Variants in SLC39A10 observed in about 807,000 individuals in gnomAD.
SLC39A10 encodes zinc transporter ZIP10.
In SLC39A10, 13 loss-of-function variants were observed where a neutral mutation model predicts 65.1. The observed-to-expected ratio is 0.20, with a 90% CI of 0.13 to 0.32. The LOEUF (loss-of-function observed/expected upper bound fraction) is 0.32. Ranked by LOEUF, SLC39A10 falls within the 10% of genes least tolerant of loss-of-function variation. SLC39A10 has a pLI of 1.00. For missense variants in SLC39A10, 831 were observed against 1,018.4 expected (o/e 0.82, Z 2.50); for synonymous variants, 321 against 342.2 (o/e 0.94, Z 0.68).
chr2:195,662,120 C>G (rs1689427633), intron 1 of SLC39A10, among the ~76,000 whole-genome samples: 1 of 152,080 alleles, frequency 6.6e-6, no homozygotes, highest in Non-Finnish European at 1.5e-5. Context: ...GAACTGTGAA[C>G]TACGAAGGAG....
chr2:195,631,051 C>T (rs952143081), intron 2 of SLC39A10, among the ~76,000 whole-genome samples: 2 of 151,866 alleles, frequency 1.3e-5, no homozygotes, highest in African/African-American at 4.8e-5. Flanking sequence ...TAGCCAGGCA[C>T]GGTGGCAGGC....
intron 1 of SLC39A10, among the ~76,000 whole-genome samples, chr2:195,664,362 TC>T (rs1158765323): frequency 6.6e-6 from 1 of 150,844 alleles, no homozygotes; most frequent in African/African-American, 2.4e-5. Flanking sequence ...TTATAGCTTT[TC>T]TTTTAAAAAA....
intron 1 of SLC39A10, among the ~76,000 whole-genome samples, chr2:195,670,045 G>C (rs1689792367): frequency 6.6e-6 from 1 of 152,052 alleles, no homozygotes; most frequent in Non-Finnish European, 1.5e-5. Context: ...TGTAGTCCCA[G>C]CTACTCGGGA....
At position 195,641,878 on chromosome 2, in the gene SLC39A10, G is replaced by A. The variant is rs150433746; in HGVS notation, c.-12+35645G>A. Among the ~76,000 whole-genome samples the A allele has an allele frequency of 6.9e-3, 1,043 of 152,078 alleles. 9 individuals carry two copies. Among genetic ancestry groups the A allele is most frequent in the African/African-American group, 0.024 (1,005 of 41,468 alleles). On this transcript the variant is annotated intron_variant, in intron 2 of 2. Coordinates refer to the SLC39A10 transcript ENST00000458054. The stretch of plus-strand genomic sequence containing the variant: ...GGCTAATGTTTTTATTTTTAGTAGA[G>A]ACGGGTTTTCACCATGTTGACCAGC...
intron 3 of SLC39A10, among the ~76,000 whole-genome samples, chr2:195,694,739 A>T (rs1690876239): frequency 6.6e-6 from 1 of 152,128 alleles, no homozygotes. Context: ...TCGAGCCAGG[A>T]TGTGGCGCTT....
In SLC39A10 at chr2:195,680,552, T is replaced by G; in HGVS notation, c.510T>G (p.His170Gln). ...TGTCTGTAAAATCTGATGATAAACATATGCATGACCATAATCACCGCCTAC... is the reference window on the plus strand; with the variant it reads ...TGTCTGTAAAATCTGATGATAAACAGATGCATGACCATAATCACCGCCTAC... ...VEVSVKSDDK[H>Q]MHDHNHRLRH... Residue 170 changes from histidine to glutamine, a missense_variant, in exon 2 of 10, where the codon CAT (histidine) becomes CAG (glutamine). Transcript: ENST00000359634. 6.2e-7 allele frequency: 1 copy of G among 1,614,128 alleles called. No homozygotes were observed. Among genetic ancestry groups the G allele is most frequent in the Non-Finnish European group, 8.5e-7 (1 of 1,180,046 alleles).
intron 1 of SLC39A10, chr2:195,658,463 C>T (rs1356068603): frequency 4.6e-5 from 7 of 152,106 alleles, no homozygotes; most frequent in Non-Finnish European, 1.0e-4. Context: ...TTATTTATGC[C>T]TTTTGCTGTT....
intron 9 of SLC39A10, 45 bp from the exon 10 acceptor site, chr2:195,734,838 G>A (rs1692539728): frequency 2.0e-6 from 3 of 1,514,524 alleles, no homozygotes; most frequent in Non-Finnish European, 1.8e-6. Flanking sequence ...ACTGTTTTGA[G>A]CAGAAGTATT....
At chr2:195,710,022 G>A (rs754132424) in intron 5 of SLC39A10, among the ~76,000 whole-genome samples, 2 of 152,132 alleles carry the variant, frequency 1.3e-5, no homozygotes, top group Non-Finnish European at 2.9e-5. Context: ...TGATGGAAAT[G>A]GTGACTCTTT....
chr2:195,656,522 A>C (rs929423573), upstream of SLC39A10, among the ~76,000 whole-genome samples: 5 of 152,158 alleles, frequency 3.3e-5, no homozygotes, highest in Non-Finnish European at 7.4e-5. Flanking sequence ...ATTTCTCTAC[A>C]TGTGTGACAT....
intron 2 of SLC39A10, among the ~76,000 whole-genome samples, chr2:195,630,243 A>G (rs1688560132): frequency 7.3e-6 from 1 of 136,330 alleles, no homozygotes; most frequent in Non-Finnish European, 1.6e-5. Context: ...GGTTCCCACA[A>G]CCCCCTCTTA....
rs1225763161 is a variant in SLC39A10 at position 195,728,724 on chromosome 2, G to C, written c.2337+375G>C. On this transcript the variant is annotated intron_variant, in intron 9 of 9. Coordinates refer to ENST00000359634, the MANE Select transcript of SLC39A10 (RefSeq NM_020342.3). This position sits in a 1 kb window ranked among gnomAD's most constrained non-coding sequence, Gnocchi z 4.4. ...AATACTATTCCTGTTAGGTAAGCCA[G>C]TCTTCTGGAAGGAAGTGGTATATAT... is the stretch of plus-strand genomic sequence containing the variant. Among the ~76,000 whole-genome samples the C allele has an allele frequency of 3.9e-5, 6 of 152,150 alleles. No homozygotes were observed. Among genetic ancestry groups the C allele is most frequent in the South Asian group, 2.1e-4 (1 of 4,832 alleles).
At chr2:195,668,207 T>A (rs916146731) in intron 1 of SLC39A10, among the ~76,000 whole-genome samples, 15 of 152,248 alleles carry the variant, frequency 9.9e-5, no homozygotes, top group Non-Finnish European at 1.5e-5. Context: ...GCTGTCAAGA[T>A]AAAGTTTGAT....
At chr2:195,676,872 A>G (rs1559028568) in intron 1 of SLC39A10, among the ~76,000 whole-genome samples, 1 of 152,302 alleles carries the variant, frequency 6.6e-6, no homozygotes, top group East Asian at 1.9e-4. Context: ...GGAAGATTTT[A>G]TGTACCTTAT....
chr2:195,621,768 AAATT>A (rs1461045833), intron 2 of SLC39A10, among the ~76,000 whole-genome samples: 1 of 152,222 alleles, frequency 6.6e-6, no homozygotes, highest in African/African-American at 2.4e-5. Context: ...GAGCATTCTG[AAATT>A]AATTCTTTGT....
At chr2:195,667,931 G>A (rs1015386666) in intron 1 of SLC39A10, among the ~76,000 whole-genome samples, 11 of 152,228 alleles carry the variant, frequency 7.2e-5, no homozygotes, top group African/African-American at 1.4e-4. Flanking sequence ...AAATATGTAC[G>A]TAATTTTATT....
Position 195,728,410 on chromosome 2 carries a change from T to A in SLC39A10, c.2337+61T>A. The A allele has an allele frequency of 6.8e-7, 1 of 1,479,968 alleles. No individual in the cohort carries two copies. Among genetic ancestry groups the A allele is most frequent in the Non-Finnish European group, 9.2e-7 (1 of 1,087,958 alleles). 91.7% of individuals were successfully genotyped at this position (1,479,968 alleles called of 1,614,324 possible). On this transcript the variant is annotated intron_variant, in intron 9 of 9. Coordinates refer to ENST00000359634, the MANE Select transcript of SLC39A10 (RefSeq NM_020342.3). This position sits in a 1 kb window ranked among gnomAD's most constrained non-coding sequence, Gnocchi z 4.4. ...TGCAAATGAAAGAAATCCTTGGAAG[T>A]GGTTTGAAGCCAAACTATTTTTGAA...
In SLC39A10 at chr2:195,626,893, GT is replaced by G. The variant is rs931812497; in HGVS notation, c.-12+20664del. On this transcript the variant is annotated intron_variant, in intron 2 of 2. Transcript: ENST00000458054. ...CCCAGGCTTACAGACTGGCTGGCAA[GT>G]TTTATTGCCAGGAAAATTGATAAAT... Among the ~76,000 whole-genome samples the G allele has an allele frequency of 1.9e-4, 29 of 152,298 alleles. No homozygotes were observed. The East Asian group carries it at 5.4e-3, about 28-fold the overall frequency.
chr2:195,644,762 C>T (rs933524103), intron 2 of SLC39A10, among the ~76,000 whole-genome samples: 1 of 151,612 alleles, frequency 6.6e-6, no homozygotes, highest in East Asian at 1.9e-4. Context: ...CTTTATCACG[C>T]CACTGCACTC....
Sources: allele counts gnomAD v4.1 joint callset (sites outside exome capture counted in the v4.1 genomes callset), GRCh38; gene constraint gnomAD v4.1.1; non-coding constraint Gnocchi (gnomAD v3.1); transcripts MANE v1.5; gene names NCBI Gene and HGNC (gene_info 2026-07-23, HGNC 2026-07-21).